Variants in MBNL1 observed in about 807,000 individuals in gnomAD.
MBNL1 encodes muscleblind like splicing regulator 1.
MBNL1 carries 8 observed loss-of-function variants against 42.2 expected under a neutral mutation model. The observed-to-expected ratio is 0.19, with a 90% CI of 0.11 to 0.34. The LOEUF is 0.34. Ranked by LOEUF, MBNL1 falls within the 10% of genes least tolerant of loss-of-function variation. The pLI is 1.00. For synonymous variants in MBNL1, 169 were observed against 173.9 expected (o/e 0.97, Z 0.22); for missense variants, 309 against 495.3 (o/e 0.62, Z 3.57).
At chr3:152,248,286 A>C (rs2033635581) in intron 2 of MBNL1, among the ~76,000 whole-genome samples, 1 of 152,048 alleles carries the variant, frequency 6.6e-6, no homozygotes, top group African/African-American at 2.4e-5. Context: ...ATACAATCAT[A>C]TATCTGATGG....
intron 2 of MBNL1, among the ~76,000 whole-genome samples, chr3:152,355,636 A>G (rs967201166): frequency 1.3e-5 from 2 of 152,176 alleles, no homozygotes; most frequent in Non-Finnish European, 2.9e-5. Context: ...TACAATTAGA[A>G]AAGTGTAATT....
chr3:152,267,006 T>C (rs2037361575), upstream of MBNL1: 1 of 152,218 alleles, frequency 6.6e-6, no homozygotes, highest in Non-Finnish European at 1.5e-5. Flanking sequence ...TGTCATCTCC[T>C]GCCACTCTCC....
chr3:152,250,003 G>A (rs1168113877), intron 2 of MBNL1, among the ~76,000 whole-genome samples: 1 of 149,326 alleles, frequency 6.7e-6, no homozygotes, highest in Non-Finnish European at 1.5e-5. Flanking sequence ...CCAGTACCAT[G>A]CTGTTTTGGT....
rs749920835 is a variant in MBNL1 at position 152,284,558 on chromosome 3, TA to T, written c.-789-14840del. Among the ~76,000 whole-genome samples, 14 of 151,842 alleles carry T rather than the reference TA, an allele frequency of 9.2e-5. No homozygotes were observed. The East Asian group carries it at 9.7e-4, about 10-fold the overall frequency. ...GTTGGTGCAAAAGTAATTGCAGTTT[TA>T]AAAAAAGATCGCAAAAACTGAAATT... On this transcript the variant is annotated intron_variant, in intron 1 of 9. Transcript: ENST00000324210.
At chr3:152,444,097 C>T (rs970529055) in intron 4 of MBNL1, among the ~76,000 whole-genome samples, 1 of 152,116 alleles carries the variant, frequency 6.6e-6, no homozygotes, top group Non-Finnish European at 1.5e-5. Context: ...TGCTTAACTT[C>T]AAAATAAAGT....
intron 2 of MBNL1, among the ~76,000 whole-genome samples, chr3:152,322,648 A>C (rs1366789711): frequency 6.6e-6 from 1 of 152,022 alleles, no homozygotes; most frequent in African/African-American, 2.4e-5. Flanking sequence ...AGTTTTATTG[A>C]TTGATTTTTT....
At chr3:152,429,236 GT>G (rs1199611601) in intron 3 of MBNL1, among the ~76,000 whole-genome samples, 2 of 152,218 alleles carry the variant, frequency 1.3e-5, no homozygotes, top group Non-Finnish European at 2.9e-5. Flanking sequence ...TGTTTGCATA[GT>G]TAACTGGGGT....
intron 2 of MBNL1, among the ~76,000 whole-genome samples, chr3:152,306,068 T>C (rs2062971530): frequency 6.6e-6 from 1 of 152,266 alleles, no homozygotes; most frequent in African/African-American, 2.4e-5. Flanking sequence ...TCTGGATTCC[T>C]GAGGGCCTTG....
At chr3:152,399,431 T>C (rs2098122038) in intron 2 of MBNL1, among the ~76,000 whole-genome samples, 1 of 152,224 alleles carries the variant, frequency 6.6e-6, no homozygotes, top group Non-Finnish European at 1.5e-5. Flanking sequence ...GACCTAGATA[T>C]CTAGCTCTTC....
At chr3:152,270,233 A>C (rs1258551038) in intron 1 of MBNL1, among the ~76,000 whole-genome samples, 2 of 152,190 alleles carry the variant, frequency 1.3e-5, no homozygotes, top group Non-Finnish European at 2.9e-5. Context: ...GCCCACCAGC[A>C]CAGGCACAAG....
At chr3:152,402,359 G>A (rs138738432) in intron 2 of MBNL1, among the ~76,000 whole-genome samples, 46 of 152,252 alleles carry the variant, frequency 3.0e-4, no homozygotes, top group African/African-American at 1.0e-3. Context: ...TCATAGAAGA[G>A]GAGGTTACAA....
intron 2 of MBNL1, among the ~76,000 whole-genome samples, chr3:152,347,145 G>A (rs17435271): frequency 0.071 from 10,829 of 152,010 alleles, 509 homozygotes; most frequent in Middle Eastern, 0.17. Context: ...GTAAACAAAC[G>A]CTTAGTGAAA....
intron 2 of MBNL1, among the ~76,000 whole-genome samples, chr3:152,347,790 A>C (rs1416385580): frequency 6.6e-6 from 1 of 152,152 alleles, no homozygotes; most frequent in Non-Finnish European, 1.5e-5. Flanking sequence ...ACAGCACAGT[A>C]CTTTTTGTAA....
intron 2 of MBNL1, among the ~76,000 whole-genome samples, chr3:152,333,276 T>C (rs74359275): frequency 0.073 from 11,106 of 152,278 alleles, 515 homozygotes; most frequent in Middle Eastern, 0.16. Context: ...TTGTCCTTGA[T>C]TTGAAAAATC....
In MBNL1 at chr3:152,454,287, G is replaced by T. The variant is rs192783648; in HGVS notation, c.962-1255G>T. Among the ~76,000 whole-genome samples, 36 of 152,270 alleles carry T rather than the reference G, an allele frequency of 2.4e-4. No homozygotes were observed. In the East Asian group the frequency reaches 6.8e-3, roughly 29 times the overall value. On this transcript the variant is annotated intron_variant, in intron 6 of 9. Coordinates refer to ENST00000324210, the MANE Select transcript of MBNL1 (RefSeq NM_021038.5). ...AACTAATCGCAGCTGTTACAGAGAT[G>T]CCAGTTAAGTAATCCGTGTTTCAGC...
At chr3:152,277,640 G>T (rs2046039896) in intron 1 of MBNL1, among the ~76,000 whole-genome samples, 1 of 152,042 alleles carries the variant, frequency 6.6e-6, no homozygotes, top group Non-Finnish European at 1.5e-5. Flanking sequence ...ATTTCAAATA[G>T]AATAGAAAGC....
At chr3:152,404,835 G>T (rs1269705984) in intron 2 of MBNL1, among the ~76,000 whole-genome samples, 3 of 150,932 alleles carry the variant, frequency 2.0e-5, no homozygotes, top group African/African-American at 7.3e-5. Flanking sequence ...AAATTGAAGA[G>T]GCATGTCAGT....
chr3:152,334,249 A>G (rs945237071), intron 2 of MBNL1, among the ~76,000 whole-genome samples: 20 of 152,208 alleles, frequency 1.3e-4, no homozygotes, highest in Non-Finnish European at 1.3e-4. Flanking sequence ...TTTTTCTCTA[A>G]TAGGTAAATG....
At chr3:152,338,384 G>A (rs2091925611) in intron 2 of MBNL1, 1 of 985,384 alleles carries the variant, frequency 1.0e-6, no homozygotes, top group South Asian at 4.7e-5. Flanking sequence ...CTAAACCCTT[G>A]TGAAAGCGGG....
Sources: allele counts gnomAD v4.1 joint callset (sites outside exome capture counted in the v4.1 genomes callset), GRCh38; gene constraint gnomAD v4.1.1; transcripts MANE v1.5; gene names NCBI Gene and HGNC (gene_info 2026-07-23, HGNC 2026-07-21).